HDAC4: variants seen among roughly 807,000 people sequenced by gnomAD.
HDAC4 encodes histone deacetylase 4.
HDAC4 carries 16 observed loss-of-function variants against 135.1 expected under a neutral mutation model. That is an observed-to-expected ratio of 0.12 (90% CI 0.08 to 0.18). The LOEUF (loss-of-function observed/expected upper bound fraction) is 0.18. HDAC4 is among the 10% of genes least tolerant of loss of function. HDAC4 has a pLI of 1.00. For synonymous variants in HDAC4, 685 were observed against 653.4 expected, an observed-to-expected ratio of 1.05 and a Z score of -0.74; for missense variants, 1,143 against 1,511.8, an observed-to-expected ratio of 0.76 and a Z score of 4.05.
chr2:239,162,228 T>C (rs1324341378), intron 6 of HDAC4: 3 of 456,534 alleles, frequency 6.6e-6, no homozygotes, highest in African/African-American at 2.0e-5. Context: ...ATCACTGTCT[T>C]CTCAAAGCTC....
chr2:239,099,813 C>T (rs2037450661), intron 16 of HDAC4, among the ~76,000 whole-genome samples: 2 of 152,224 alleles, frequency 1.3e-5, no homozygotes, highest in Admixed American at 6.5e-5. Context: ...GGCCGCCACC[C>T]TCTCACAGAC....
At chr2:239,067,764 G>T (rs2033708120) in intron 23 of HDAC4, among the ~76,000 whole-genome samples, 1 of 152,212 alleles carries the variant, frequency 6.6e-6, no homozygotes, top group South Asian at 2.1e-4. Context: ...GGACCTGAGA[G>T]ACGGGCCCCT....
At chr2:239,297,221 C>T (rs1188363831) in intron 2 of HDAC4, among the ~76,000 whole-genome samples, 2 of 152,084 alleles carry the variant, frequency 1.3e-5, no homozygotes, top group East Asian at 3.9e-4. Flanking sequence ...CCCAACCTTC[C>T]CACGAGCAGC....
At position 239,331,303 on chromosome 2, in the gene HDAC4, G is replaced by A. The variant is rs950951144; in HGVS notation, c.22+21375C>T. Among the ~76,000 whole-genome samples the A allele has an allele frequency of 6.6e-6, 1 of 152,142 alleles. No individual in the cohort carries two copies. Among genetic ancestry groups the A allele is most frequent in the Non-Finnish European group, 1.5e-5 (1 of 68,020 alleles). ...AGCCACGAGAAGGAGGCAGGATGGGGGAGGGAAGACAAGCAGGAAGGGGTG... is the reference window on the plus strand; with the variant it reads ...AGCCACGAGAAGGAGGCAGGATGGGAGAGGGAAGACAAGCAGGAAGGGGTG... On this transcript the variant is annotated intron_variant, in intron 2 of 26. Coordinates refer to ENST00000543185, the MANE Select transcript of HDAC4 (RefSeq NM_001378414.1). The surrounding 1 kb of genome is among the most constrained non-coding windows in gnomAD (Gnocchi z 4.5).
intron 4 of HDAC4, among the ~76,000 whole-genome samples, chr2:239,185,791 G>A: frequency 6.6e-6 from 1 of 152,296 alleles, no homozygotes; most frequent in East Asian, 1.9e-4. Flanking sequence ...GACACTTTGG[G>A]AGGCTGATAC....
chr2:239,397,052 T>C (rs1263551318), intron 1 of HDAC4, among the ~76,000 whole-genome samples: 2 of 152,220 alleles, frequency 1.3e-5, no homozygotes, highest in Non-Finnish European at 2.9e-5. Context: ...AACGCGCCTG[T>C]AACAGCGCCA....
chr2:239,237,181 G>A (rs906093591), intron 2 of HDAC4, among the ~76,000 whole-genome samples: 1 of 152,132 alleles, frequency 6.6e-6, no homozygotes, highest in Non-Finnish European at 1.5e-5. Flanking sequence ...TGTTCTCAAG[G>A]TATAGAGTCC....
intron 1 of HDAC4, among the ~76,000 whole-genome samples, chr2:239,354,562 ATTTTTTTTTTTTTTTTT>A (rs566361037): frequency 1.3e-5 from 1 of 76,534 alleles, no homozygotes; most frequent in Non-Finnish European, 2.3e-5. Context: ...TAGTCTAGAA[ATTTTTTTTTTTTTTTTT>A]TTTTTTTTTT....
Position 239,245,203 on chromosome 2 carries a change from T to G in HDAC4, c.23-8539A>C, listed in dbSNP as rs1212936885. Among the ~76,000 whole-genome samples, 2 of 152,150 alleles carry G rather than the reference T, an allele frequency of 1.3e-5. No individual in the cohort carries two copies. Among genetic ancestry groups the G allele is most frequent in the Non-Finnish European group, 2.9e-5 (2 of 68,032 alleles). ...TAACCTAAGAAGTATTCCTGTTGTC[T>G]CTCCACTAAGAATCAAAACTAGCTG... On this transcript the variant is annotated intron_variant, in intron 2 of 26. Coordinates refer to ENST00000543185, the MANE Select transcript of HDAC4 (RefSeq NM_001378414.1). The surrounding 1 kb of genome is among the most constrained non-coding windows in gnomAD (Gnocchi z 4.4).
At chr2:239,269,720 G>T (rs2049957018) in intron 2 of HDAC4, among the ~76,000 whole-genome samples, 1 of 152,194 alleles carries the variant, frequency 6.6e-6, no homozygotes, top group African/African-American at 2.4e-5. Context: ...TTCAGAGGCT[G>T]AGTTTCTACA....
chr2:239,284,485 G>A (rs574649259), intron 2 of HDAC4, among the ~76,000 whole-genome samples: 1 of 152,300 alleles, frequency 6.6e-6, no homozygotes, highest in African/African-American at 2.4e-5. Context: ...GTGCATTGTG[G>A]CCCTCGTAGT....
intron 1 of HDAC4, among the ~76,000 whole-genome samples, chr2:239,378,786 C>G (rs1695210358): frequency 6.6e-6 from 1 of 152,208 alleles, no homozygotes; most frequent in Non-Finnish European, 1.5e-5. Flanking sequence ...CTCTTGTTCA[C>G]TTGAGGGATC....
intron 2 of HDAC4, among the ~76,000 whole-genome samples, chr2:239,318,156 T>C (rs966633167): frequency 6.6e-6 from 1 of 151,962 alleles, no homozygotes; most frequent in African/African-American, 2.4e-5. Flanking sequence ...TCCCAGATTA[T>C]CTCCCTACCA....
chr2:239,329,596 G>A (rs68080737), intron 2 of HDAC4, among the ~76,000 whole-genome samples: 18,840 of 151,856 alleles, frequency 0.12, 1,757 homozygotes, highest in East Asian at 0.42. Flanking sequence ...CATTTGTTTT[G>A]TGATCTGATG....
chr2:239,249,963 G>T (rs1047484543), intron 2 of HDAC4, among the ~76,000 whole-genome samples: 1 of 152,172 alleles, frequency 6.6e-6, no homozygotes, highest in Non-Finnish European at 1.5e-5. Context: ...CTGCTGTGAC[G>T]CGTCATCCAA....
chr2:239,248,938 A>G (rs2048622814), intron 2 of HDAC4, among the ~76,000 whole-genome samples: 1 of 152,216 alleles, frequency 6.6e-6, no homozygotes, highest in African/African-American at 2.4e-5. Context: ...TTGGGGACAC[A>G]GTGTTGTAAG....
In HDAC4 at chr2:239,309,600, C is replaced by T. The variant is rs2052774062; in HGVS notation, c.22+43078G>A. On this transcript the variant is annotated intron_variant, in intron 2 of 26. Coordinates refer to ENST00000543185, the MANE Select transcript of HDAC4 (RefSeq NM_001378414.1). This position sits in a 1 kb window ranked among gnomAD's most constrained non-coding sequence, Gnocchi z 4.2. Reference sequence around the variant, plus strand: ...TGGCGGGAGGCTCTGGCCTTGCAGGCGTGCAGGAGCCCCTGCCAGTGAGGG... The same window carrying T: ...TGGCGGGAGGCTCTGGCCTTGCAGGTGTGCAGGAGCCCCTGCCAGTGAGGG... 6.6e-6 allele frequency among the ~76,000 whole-genome samples: 1 copy of T among 152,246 alleles called. No homozygotes were observed. Among genetic ancestry groups the T allele is most frequent in the Non-Finnish European group, 1.5e-5 (1 of 68,038 alleles).
chr2:239,163,409 T>A (rs552817173), intron 6 of HDAC4, among the ~76,000 whole-genome samples: 1 of 152,074 alleles, frequency 6.6e-6, no homozygotes, highest in East Asian at 1.9e-4. Context: ...GGGGGCCCAC[T>A]CCCATGAGGA....
At chr2:239,121,428 T>G (rs111860333) in intron 12 of HDAC4, among the ~76,000 whole-genome samples, 3,656 of 152,306 alleles carry the variant, frequency 0.024, 165 homozygotes, top group African/African-American at 0.083. Context: ...CCTGCCTGCC[T>G]GAGGCTTTCG....
Sources: allele counts gnomAD v4.1 joint callset (sites outside exome capture counted in the v4.1 genomes callset), GRCh38; gene constraint gnomAD v4.1.1; non-coding constraint Gnocchi (gnomAD v3.1); transcripts MANE v1.5; gene names NCBI Gene and HGNC (gene_info 2026-07-23, HGNC 2026-07-21).